Variants in ZNF512 observed in about 807,000 individuals in gnomAD.
ZNF512 encodes zinc finger protein 512.
ZNF512 carries 25 observed loss-of-function variants against 77.5 expected under a neutral mutation model. That is an observed-to-expected ratio of 0.32 (90% confidence interval 0.23 to 0.45). The LOEUF (loss-of-function observed/expected upper bound fraction) is 0.45. ZNF512 is among the 20% of genes least tolerant of loss of function. The pLI is 1.00. For missense variants in ZNF512, 483 were observed against 692.6 expected (o/e 0.70, Z 3.40); for synonymous variants, 246 against 239.9 (o/e 1.03, Z -0.24).
chr2:27,602,454 G>A lies in ZNF512; in HGVS notation c.670-9G>A, dbSNP rs781340246. On this transcript the variant is annotated splice_polypyrimidine_tract_variant and intron_variant, in intron 7 of 13. Coordinates refer to ENST00000355467, the MANE Select transcript of ZNF512 (RefSeq NM_032434.4). ...AATCATCTTCTTGTTTACTTCTCTT[G>A]ATTTCTAGCCCATTTTGAAAGCCGG... 6.2e-7 allele frequency: 1 copy of A among 1,609,804 alleles called. No homozygotes were observed.
intron 10 of ZNF512, among the ~76,000 whole-genome samples, chr2:27,614,243 G>A (rs1466738058): frequency 6.6e-6 from 1 of 152,132 alleles, no homozygotes; most frequent in Non-Finnish European, 1.5e-5. Context: ...TACCCATGGT[G>A]GACTTTGCAA....
intron 13 of ZNF512, 26 bp downstream of exon 13, chr2:27,617,597 C>A: frequency 1.2e-6 from 1 of 855,084 alleles, no homozygotes. Flanking sequence ...TCCTGTGGGC[C>A]TGATATGTAA....
intron 2 of ZNF512, among the ~76,000 whole-genome samples, chr2:27,594,129 C>T (rs1263689139): frequency 6.6e-6 from 1 of 152,106 alleles, no homozygotes; most frequent in Non-Finnish European, 1.5e-5. Flanking sequence ...AGGTGCTCCT[C>T]ACTTCCCAGA....
At chr2:27,618,803 G>A (rs1044897379) in intron 13 of ZNF512, among the ~76,000 whole-genome samples, 2 of 152,250 alleles carry the variant, frequency 1.3e-5, no homozygotes, top group South Asian at 2.1e-4. Flanking sequence ...CAGAGAAATC[G>A]TTTATGATAT....
At chr2:27,618,108 T>G (rs1246908857) in intron 13 of ZNF512, among the ~76,000 whole-genome samples, 6 of 152,052 alleles carry the variant, frequency 3.9e-5, no homozygotes. Flanking sequence ...TCAGTAGAGA[T>G]GGGGTTTTGC....
intron 1 of ZNF512, 187 bp from the exon 2 acceptor site, chr2:27,583,471 T>C: frequency 1.4e-6 from 2 of 1,462,444 alleles, no homozygotes; most frequent in East Asian, 5.0e-5. Flanking sequence ...AAGGCTCTGG[T>C]ATTGTTACCC....
intron 10 of ZNF512, among the ~76,000 whole-genome samples, chr2:27,612,745 G>A (rs1469701334): frequency 1.3e-5 from 2 of 152,008 alleles, no homozygotes; most frequent in Admixed American, 6.6e-5. Flanking sequence ...CTGTATTTGC[G>A]TATACTTCTT....
rs540980906 is a variant in ZNF512, at chr2:27,605,031, CT to C, written c.936+1733del. Among the ~76,000 whole-genome samples the C allele has an allele frequency of 2.6e-3, 392 of 151,440 alleles. 1 individual carries two copies. The highest frequency in any genetic ancestry group is 9.1e-3 in the African/African-American group (375 of 41,310). ...TGTTGCATGTATCATTAGTTTATTC[CT>C]TTTTTTTTCTGACTAGGATTTCATT... is the stretch of plus-strand genomic sequence containing the variant. On this transcript the variant is annotated intron_variant, in intron 9 of 13. Coordinates refer to ENST00000355467, the MANE Select transcript of ZNF512 (RefSeq NM_032434.4).
At chr2:27,614,806 C>CT (rs77201872) in intron 10 of ZNF512, among the ~76,000 whole-genome samples, 25 of 149,742 alleles carry the variant, frequency 1.7e-4, no homozygotes, top group African/African-American at 3.9e-4. Context: ...GTATCCCTCT[C>CT]TTTTTTTTTT....
In ZNF512 at chr2:27,621,594, G is replaced by A; in HGVS notation, c.*133G>A. ...GTGACTTTCTCAGCTCCTTCCTCCTGTGTAAATTTCACTGTCTTCCCTTCT... is the reference window on the plus strand; with the variant it reads ...GTGACTTTCTCAGCTCCTTCCTCCTATGTAAATTTCACTGTCTTCCCTTCT... On this transcript the variant is annotated 3_prime_UTR_variant, in exon 14 of 14. Coordinates refer to ENST00000355467, the MANE Select transcript of ZNF512 (RefSeq NM_032434.4). 1.0e-6 allele frequency: 1 copy of A among 955,850 alleles called. No homozygotes were observed. The highest frequency in any genetic ancestry group is 1.5e-6 in the Non-Finnish European group (1 of 666,330). 59.2% of individuals were successfully genotyped at this position (955,850 alleles called of 1,614,324 possible).
At chr2:27,602,218 T>C (rs1672145986) in intron 7 of ZNF512, among the ~76,000 whole-genome samples, 4 of 152,184 alleles carry the variant, frequency 2.6e-5, no homozygotes, top group Admixed American at 2.6e-4. Context: ...TCCATAAATA[T>C]TTGTGTGTTT....
Position 27,621,301 on chromosome 2 carries a change from C to A in ZNF512, c.1544C>A (p.Pro515His). 6.2e-7 allele frequency: 1 copy of A among 1,614,078 alleles called. No homozygotes were observed. The highest frequency in any genetic ancestry group is 8.5e-7 in the Non-Finnish European group (1 of 1,180,008). The change falls in exon 14 of 14, where the codon CCC (proline) becomes CAC (histidine). Residue 515 changes from proline (P) to histidine (H), a missense_variant. This residue lies in a region of ZNF512 where 324 missense variants were observed against 525.0 expected (regional missense o/e 0.62). Transcript: ENST00000355467. ...CGGCAGCAGCCTGGCATTGAGCTTCCCGAGACAGAGCTGAGTCTTAGAGTA... is the reference window on the plus strand; with the variant it reads ...CGGCAGCAGCCTGGCATTGAGCTTCACGAGACAGAGCTGAGTCTTAGAGTA... The part of the protein sequence containing the change: ...RRRQQPGIEL[P>H]ETELSLRVGK...
In ZNF512 at chr2:27,621,325, T is replaced by G; in HGVS notation, c.1568T>G (p.Val523Gly). 6.2e-7 allele frequency: 1 copy of G among 1,612,772 alleles called. No homozygotes were observed. The highest frequency in any genetic ancestry group is 1.1e-5 in the South Asian group (1 of 90,950). The change falls in exon 14 of 14, where the codon GTA becomes GGA. Residue 523 changes from valine (V) to glycine (G), a missense_variant. Physicochemically the swap from Val to Gly is moderately radical, Grantham distance 109. Around this residue, in one of 2 missense-constraint regions of ZNF512, gnomAD observed 324 missense variants for 525.0 expected, o/e 0.62. Coordinates refer to ENST00000355467, the MANE Select transcript of ZNF512 (RefSeq NM_032434.4). The stretch of plus-strand genomic sequence containing the variant: ...CCCGAGACAGAGCTGAGTCTTAGAG[T>G]AGGGAAGGATCAGAGGAGGAATAAT... Reference protein sequence around the residue: ...ELPETELSLRVGKDQRRNNEE... With the variant: ...ELPETELSLRGGKDQRRNNEE...
At chr2:27,597,329 T>G (rs1416716712) in intron 2 of ZNF512, among the ~76,000 whole-genome samples, 1 of 152,226 alleles carries the variant, frequency 6.6e-6, no homozygotes, top group Non-Finnish European at 1.5e-5. Context: ...TCACAGGTAT[T>G]TAGCTGGAAA....
chr2:27,591,767 T>G (rs1367977898), intron 2 of ZNF512, among the ~76,000 whole-genome samples: 1 of 152,100 alleles, frequency 6.6e-6, no homozygotes, highest in Non-Finnish European at 1.5e-5. Flanking sequence ...GGTCTTGAAC[T>G]CATGGGCTCA....
intron 2 of ZNF512, among the ~76,000 whole-genome samples, chr2:27,587,899 C>T (rs947579128): frequency 6.6e-6 from 1 of 151,992 alleles, no homozygotes; most frequent in African/African-American, 2.4e-5. Context: ...AGGCTGGTCT[C>T]GAACTCCCAA....
Position 27,583,735 on chromosome 2 carries a change from G to A in ZNF512, c.89+19G>A, listed in dbSNP as rs1478525119. Reference sequence around the variant, plus strand: ...CTAAGAAGTAAGTGAGGTTTTCTAAGGTCCTTTTATGATTGTGTCACCAGC... The same window carrying A: ...CTAAGAAGTAAGTGAGGTTTTCTAAAGTCCTTTTATGATTGTGTCACCAGC... On this transcript the variant is annotated intron_variant, in intron 2 of 13. Transcript: ENST00000355467. 6.2e-7 allele frequency: 1 copy of A among 1,612,986 alleles called. No homozygotes were observed.
At chr2:27,608,519 T>G (rs1419122988) in intron 10 of ZNF512, among the ~76,000 whole-genome samples, 1 of 152,148 alleles carries the variant, frequency 6.6e-6, no homozygotes, top group African/African-American at 2.4e-5. Flanking sequence ...CTTGGCCTTC[T>G]TCTTCTTGAT....
intron 9 of ZNF512, 66 bp downstream of exon 9, chr2:27,603,373 A>G (rs1446637861): frequency 5.9e-6 from 9 of 1,536,356 alleles, no homozygotes; most frequent in East Asian, 4.5e-5. Context: ...TTACCCCTCT[A>G]TCTTCCCATA....
Sources: allele counts gnomAD v4.1 joint callset (sites outside exome capture counted in the v4.1 genomes callset), GRCh38; gene constraint gnomAD v4.1.1; regional missense constraint gnomAD v4.1.1; transcripts MANE v1.5; gene names NCBI Gene and HGNC (gene_info 2026-07-23, HGNC 2026-07-21).